The following EEF1E1 variants were observed in gnomAD, a reference collection of about 807,000 sequenced individuals.
EEF1E1 encodes the protein eukaryotic translation elongation factor 1 epsilon-1.
Under a neutral mutation model 19.9 loss-of-function variants are expected in EEF1E1, and 19 were observed. That is an observed-to-expected ratio of 0.95 (90% CI 0.66 to 1.40). The LOEUF (loss-of-function observed/expected upper bound fraction) is 1.40. EEF1E1 is among the 40% of genes most tolerant of loss of function. The pLI is 0.00. For synonymous variants in EEF1E1, 81 were observed against 80.0 expected, an observed-to-expected ratio of 1.01 and a Z score of -0.07; for missense variants, 198 against 202.2, an observed-to-expected ratio of 0.98 and a Z score of 0.13.
intron 3 of EEF1E1, among the ~76,000 whole-genome samples, chr6:8,080,849 A>G (rs868216406): frequency 3.3e-5 from 5 of 152,334 alleles, no homozygotes; most frequent in African/African-American, 1.2e-4. Flanking sequence ...TGCTGACAGG[A>G]GTGTTTGCAG....
rs12204771 is a variant in EEF1E1 at position 8,082,341 on chromosome 6, G to A, written c.385-2311C>T. Among the ~76,000 whole-genome samples, 6 of 152,138 alleles carry A rather than the reference G, an allele frequency of 3.9e-5. No individual in the cohort carries two copies. The East Asian group carries it at 1.2e-3, about 29-fold the overall frequency. On this transcript the variant is annotated intron_variant, in intron 3 of 3. Transcript: ENST00000379715. ...TGCCCAGACTGGAGGGCAGTGGCGCGATCTGGGCTCACTGCAACCTCCACT... is the reference window on the plus strand; with the variant it reads ...TGCCCAGACTGGAGGGCAGTGGCGCAATCTGGGCTCACTGCAACCTCCACT...
chr6:8,097,211 A>C, intron 2 of EEF1E1, 56 bp downstream of exon 2: 1 of 1,529,380 alleles, frequency 6.5e-7, no homozygotes, highest in Non-Finnish European at 9.0e-7. Context: ...TCTCAGGGGA[A>C]AGAGATTTCT....
Position 8,073,512 on chromosome 6 carries a change from T to C in EEF1E1, c.385-2A>G, listed in dbSNP as rs958179388. 6.4e-7 allele frequency: 1 copy of C among 1,551,596 alleles called. No homozygotes were observed. Among genetic ancestry groups the C allele is most frequent in the South Asian group, 1.2e-5 (1 of 84,060 alleles). ...CTCTGTGTGCCTCAGCTTCCTTATCTGCAAAAGGGGATAAAAAAGGAGTTA... is the reference window on the plus strand; with the variant it reads ...CTCTGTGTGCCTCAGCTTCCTTATCCGCAAAAGGGGATAAAAAAGGAGTTA... On this transcript the variant is annotated splice_acceptor_variant, in intron 3 of 3. Transcript: ENST00000429723. LOFTEE classifies it high-confidence loss of function.
chr6:8,094,565 T>C (rs2113660223), intron 2 of EEF1E1, among the ~76,000 whole-genome samples: 1 of 141,096 alleles, frequency 7.1e-6, no homozygotes, highest in South Asian at 2.3e-4. Context: ...AGCAAGACTC[T>C]ATTTAAAAAA....
Position 8,102,514 on chromosome 6 carries a change from G to T in EEF1E1, c.8C>A (p.Ala3Glu), listed in dbSNP as rs1000415200. Residue 3 changes from alanine to glutamate, a missense_variant, in exon 1 of 4, where the codon GCG becomes GAG. Coordinates refer to ENST00000379715, the MANE Select transcript of EEF1E1 (RefSeq NM_004280.5). ...CTCCAGTAGCGACAACTCTGCGGCC[G>T]CCGCCATCTTCCGGCCGTAGCTCCT... is the stretch of plus-strand genomic sequence containing the variant. Reference protein sequence around the residue: MAAAAELSLLEKS... With the variant: MAEAAELSLLEKS... 1.2e-6 allele frequency: 2 copies of T among 1,610,472 alleles called. No individual in the cohort carries two copies. The highest frequency in any genetic ancestry group is 1.7e-5 in the Admixed American group (1 of 59,982).
chr6:8,102,076 G>A, intron 1 of EEF1E1: 1 of 1,192,230 alleles, frequency 8.4e-7, no homozygotes. Flanking sequence ...TGAATGAAAG[G>A]TGCGATTACG....
Position 8,090,184 on chromosome 6 carries a change from A to C in EEF1E1, c.384+2T>G. The C allele has an allele frequency of 6.6e-7, 1 of 1,520,848 alleles. No individual in the cohort carries two copies. The highest frequency in any genetic ancestry group is 8.8e-7 in the Non-Finnish European group (1 of 1,139,922). 94.2% of individuals were successfully genotyped at this position (1,520,848 alleles called of 1,614,324 possible). Reference sequence around the variant, plus strand: ...AAAGCCAGTAACTATACAAATACTCACTATAAAGCGATGAAGTCCATAGTA... The same window carrying C: ...AAAGCCAGTAACTATACAAATACTCCCTATAAAGCGATGAAGTCCATAGTA... On this transcript the variant is annotated splice_donor_variant, in intron 3 of 3. Transcript: ENST00000379715. LOFTEE classifies it high-confidence loss of function.
At chr6:8,087,135 G>C (rs948606994) in intron 3 of EEF1E1, among the ~76,000 whole-genome samples, 2 of 152,148 alleles carry the variant, frequency 1.3e-5, no homozygotes, top group African/African-American at 4.8e-5. Context: ...AAGGATGCTG[G>C]GTAGAAACAG....
At position 8,097,287 on chromosome 6, in the gene EEF1E1, C is replaced by G. The variant is rs754954294; in HGVS notation, c.268G>C (p.Asp90His). 6.2e-7 allele frequency: 1 copy of G among 1,614,190 alleles called. No individual in the cohort carries two copies. Reference sequence around the variant, plus strand: ...GATACCTTCAACAGTGTGTGGATGTCATTTTTACTGGAGTGCCCATCTACT... The same window carrying G: ...GATACCTTCAACAGTGTGTGGATGTGATTTTTACTGGAGTGCCCATCTACT... ...TQVDGHSSKN[D>H]IHTLLKDLNS... The change falls in exon 2 of 4, where the codon GAC becomes CAC. Residue 90 changes from aspartate to histidine, a missense_variant. Coordinates refer to ENST00000379715, the MANE Select transcript of EEF1E1 (RefSeq NM_004280.5).
At chr6:8,089,109 A>G (rs1581465816) in intron 3 of EEF1E1, among the ~76,000 whole-genome samples, 2 of 152,300 alleles carry the variant, frequency 1.3e-5, no homozygotes, top group East Asian at 3.9e-4. Context: ...AAGAGCCGGG[A>G]ACTTACAGGG....
chr6:8,098,418 G>A (rs538080250), intron 1 of EEF1E1, among the ~76,000 whole-genome samples: 2 of 152,060 alleles, frequency 1.3e-5, no homozygotes, highest in South Asian at 2.1e-4. Flanking sequence ...GCGCCCGGCC[G>A]AAATACTATC....
intron 3 of EEF1E1, among the ~76,000 whole-genome samples, chr6:8,084,293 A>G (rs1182908131): frequency 6.6e-6 from 1 of 152,198 alleles, no homozygotes; most frequent in Non-Finnish European, 1.5e-5. Context: ...CCTAAAAACC[A>G]AGTACCCTCC....
downstream of EEF1E1, among the ~76,000 whole-genome samples, chr6:8,074,832 A>G (rs1379924135): frequency 6.6e-6 from 1 of 152,208 alleles, no homozygotes; most frequent in Non-Finnish European, 1.5e-5. Context: ...GGTACCAAGT[A>G]ATACCTGTTC....
chr6:8,073,566 T>A, intron 3 of EEF1E1: 1 of 1,543,406 alleles, frequency 6.5e-7, no homozygotes. Context: ...GAATAGTGCC[T>A]GATACACACT....
At chr6:8,101,950 A>C in intron 1 of EEF1E1, 1 of 1,252,250 alleles carries the variant, frequency 8.0e-7, no homozygotes, top group Middle Eastern at 2.3e-4. Flanking sequence ...CCTGGCCAAA[A>C]AGCAAGCTGC....
intron 3 of EEF1E1, chr6:8,073,597 CTAT>C (rs1757530498): frequency 6.7e-7 from 1 of 1,496,200 alleles, no homozygotes; most frequent in East Asian, 2.5e-5. Flanking sequence ...TAAATGTTAT[CTAT>C]TATTGTTGTT....
downstream of EEF1E1, among the ~76,000 whole-genome samples, chr6:8,076,530 A>G (rs1381853865): frequency 6.6e-6 from 1 of 151,930 alleles, no homozygotes; most frequent in Non-Finnish European, 1.5e-5. Flanking sequence ...TCACCGTGTT[A>G]GCCAGGATGG....
intron 2 of EEF1E1, 105 bp downstream of exon 2, chr6:8,097,162 G>A: frequency 9.1e-7 from 1 of 1,098,388 alleles, no homozygotes; most frequent in Non-Finnish European, 1.4e-6. Context: ...TGAGGCAGAA[G>A]GAAAGAGGTG....
downstream of EEF1E1, among the ~76,000 whole-genome samples, chr6:8,077,044 C>T (rs533650530): frequency 6.2e-4 from 94 of 151,082 alleles, no homozygotes; most frequent in Non-Finnish European, 1.1e-3. Context: ...CCCGGGTTCA[C>T]GCCATTCTCC....
Sources: allele counts gnomAD v4.1 joint callset (sites outside exome capture counted in the v4.1 genomes callset), GRCh38; gene constraint gnomAD v4.1.1; transcripts MANE v1.5; gene names NCBI Gene and HGNC (gene_info 2026-07-23, HGNC 2026-07-21).